Variants in RGS12 observed in about 807,000 individuals in gnomAD.
RGS12 encodes the protein regulator of G-protein signaling 12.
Under a neutral mutation model 120.1 loss-of-function variants are expected in RGS12, and 66 were observed. The ratio of observed to expected loss-of-function variants is 0.55; its 90% CI spans 0.45 to 0.67. The LOEUF (loss-of-function observed/expected upper bound fraction) is 0.67, where lower values mean the gene tolerates loss of function less well. Ranked by LOEUF, RGS12 falls within the 30% of genes least tolerant of loss-of-function variation. RGS12 has a pLI of 0.00. For synonymous variants in RGS12, 827 were observed against 804.7 expected, an observed-to-expected ratio of 1.03 and a Z score of -0.47; for missense variants, 1,859 against 1,957.7, an observed-to-expected ratio of 0.95 and a Z score of 0.95.
At chr4:3,403,767 C>T (rs1213992573) in intron 4 of RGS12, among the ~76,000 whole-genome samples, 2 of 152,204 alleles carry the variant, frequency 1.3e-5, no homozygotes, top group African/African-American at 4.8e-5. Flanking sequence ...GCAAGCCAGC[C>T]CCTCACAGGG....
At chr4:3,423,917 C>A in intron 13 of RGS12, 1 of 381,716 alleles carries the variant, frequency 2.6e-6, no homozygotes, top group Non-Finnish European at 4.9e-6. Context: ...AGAAACAAAG[C>A]AACCAACCCT....
chr4:3,360,214 T>C (rs942071397), intron 3 of RGS12, among the ~76,000 whole-genome samples: 12 of 152,232 alleles, frequency 7.9e-5, no homozygotes, highest in Non-Finnish European at 1.6e-4. Context: ...ATAATGTCCC[T>C]TTTATCATTT....
intron 4 of RGS12, among the ~76,000 whole-genome samples, chr4:3,391,731 G>A (rs988763617): frequency 1.4e-5 from 2 of 142,936 alleles, no homozygotes; most frequent in Non-Finnish European, 2.9e-5. Flanking sequence ...CGTGTTTGGG[G>A]GCCTCGTCAG....
At chr4:3,320,978 C>A (rs1471348031) in intron 2 of RGS12, among the ~76,000 whole-genome samples, 1 of 152,162 alleles carries the variant, frequency 6.6e-6, no homozygotes, top group Admixed American at 6.5e-5. Flanking sequence ...GAGGAGGCCC[C>A]TGGAGGGTGC....
chr4:3,345,991 A>C (rs1024882751), intron 3 of RGS12, among the ~76,000 whole-genome samples: 1 of 152,082 alleles, frequency 6.6e-6, no homozygotes, highest in South Asian at 2.1e-4. Context: ...TCCTGGGCTC[A>C]ATCTGTCTTC....
chr4:3,393,101 T>G (rs1369986350), intron 4 of RGS12, among the ~76,000 whole-genome samples: 1 of 152,224 alleles, frequency 6.6e-6, no homozygotes, highest in Non-Finnish European at 1.5e-5. Context: ...ACTTTTCTCC[T>G]GGTTATGGGT....
At chr4:3,293,013 G>A (rs1488307026), upstream of RGS12, 3 of 149,784 alleles carry the variant, frequency 2.0e-5, no homozygotes, top group East Asian at 2.0e-4. Flanking sequence ...TCGACCCCGG[G>A]GGGCGGTGGC....
chr4:3,401,334 A>C (rs1317224482), intron 4 of RGS12, among the ~76,000 whole-genome samples: 1 of 152,190 alleles, frequency 6.6e-6, no homozygotes, highest in Non-Finnish European at 1.5e-5. Context: ...ATGCATTATA[A>C]TGTCAGTTTA....
chr4:3,360,663 C>G (rs1578818511), intron 3 of RGS12, among the ~76,000 whole-genome samples: 2 of 152,182 alleles, frequency 1.3e-5, no homozygotes, highest in East Asian at 3.9e-4. Context: ...GAGGCAAAAG[C>G]TTTTAAAACA....
intron 1 of RGS12, chr4:3,312,835 T>C (rs1197622025): frequency 2.0e-5 from 4 of 200,606 alleles, no homozygotes; most frequent in Non-Finnish European, 4.7e-5. Flanking sequence ...CAACCACAGG[T>C]TCCAAGGAAG....
At chr4:3,381,080 G>T (rs760261441) in intron 3 of RGS12, among the ~76,000 whole-genome samples, 1 of 152,068 alleles carries the variant, frequency 6.6e-6, no homozygotes, top group Admixed American at 6.6e-5. Context: ...TCTCTCTTAC[G>T]TTCAAAGTTC....
intron 9 of RGS12, among the ~76,000 whole-genome samples, chr4:3,420,027 G>A (rs1340177577): frequency 2.6e-5 from 4 of 152,184 alleles, no homozygotes; most frequent in Non-Finnish European, 5.9e-5. Flanking sequence ...TTGGGAGCAG[G>A]TGCTGTTTGA....
At chr4:3,435,208 T>A (rs1286196810) in intron 17 of RGS12, among the ~76,000 whole-genome samples, 2 of 152,128 alleles carry the variant, frequency 1.3e-5, no homozygotes, top group Non-Finnish European at 2.9e-5. Context: ...GATGTTTGCC[T>A]GCCGGGGCTT....
chr4:3,402,286 C>T lies in RGS12; in HGVS notation c.2021-11786C>T, dbSNP rs149495535. Among the ~76,000 whole-genome samples, 93 of 152,334 alleles carry T rather than the reference C, an allele frequency of 6.1e-4. 1 individual carries two copies. Among genetic ancestry groups the T allele is most frequent in the Admixed American group, 1.6e-3 (25 of 15,306 alleles). The stretch of plus-strand genomic sequence containing the variant: ...ATATGGCCACCATGGCTGAGAGCAT[C>T]CACCATCTGCCCCTGATGTGTAGAG... On this transcript the variant is annotated intron_variant, in intron 4 of 17. Coordinates refer to ENST00000336727, the MANE Select transcript of RGS12 (RefSeq NM_001394154.1).
upstream of RGS12, among the ~76,000 whole-genome samples, chr4:3,292,867 C>A (rs1723111586): frequency 6.6e-6 from 1 of 151,794 alleles, no homozygotes; most frequent in Non-Finnish European, 1.5e-5. Flanking sequence ...TGTCCCGACG[C>A]GAAGGCCCTC....
Position 3,316,149 on chromosome 4 carries a change from T to A in RGS12, c.-22T>A. On this transcript the variant is annotated 5_prime_UTR_variant, in exon 2 of 18. The change creates a new upstream start codon in the 5' untranslated region. Coordinates refer to ENST00000336727, the MANE Select transcript of RGS12 (RefSeq NM_001394154.1). ...TCCAAGGGAACAATGAGACGTGCTC[T>A]TGGTCTTGGAAGCTCATCAGAATGT... The A allele has an allele frequency of 6.6e-7, 1 of 1,523,238 alleles. No individual in the cohort carries two copies. The highest frequency in any genetic ancestry group is 8.8e-7 in the Non-Finnish European group (1 of 1,136,584). The allele number at this position is 1,523,238 out of a possible 1,614,324, so 94.4% of individuals were successfully genotyped here. A position where few individuals can be genotyped will look rare whatever the true frequency, so the allele number is the denominator to read the frequency against.
intron 2 of RGS12, among the ~76,000 whole-genome samples, chr4:3,340,773 G>GGTGCAGGCCGGTGCAGGCCA (rs1246136779): frequency 1.1e-3 from 171 of 151,850 alleles, no homozygotes; most frequent in African/African-American, 4.0e-3. Context: ...GGTGCAGGCC[G>GGTGCAGGCCGGTGCAGGCCA]GTGCAGGCCA....
At chr4:3,358,431 G>C (rs1372282211) in intron 3 of RGS12, among the ~76,000 whole-genome samples, 3 of 152,038 alleles carry the variant, frequency 2.0e-5, no homozygotes, top group African/African-American at 7.2e-5. Flanking sequence ...GAAAAGCTTT[G>C]TCATTCTCCA....
At chr4:3,434,181 C>T (rs1724593468) in intron 17 of RGS12, among the ~76,000 whole-genome samples, 1 of 152,194 alleles carries the variant, frequency 6.6e-6, no homozygotes, top group Admixed American at 6.5e-5. Context: ...GGCACCTCTT[C>T]ACAGGGCAGC....
Sources: allele counts gnomAD v4.1 joint callset (sites outside exome capture counted in the v4.1 genomes callset), GRCh38; gene constraint gnomAD v4.1.1; transcripts MANE v1.5; gene names NCBI Gene and HGNC (gene_info 2026-07-23, HGNC 2026-07-21).